The following ARK2C variants were observed in gnomAD, a reference collection of about 807,000 sequenced individuals.
The protein encoded by ARK2C is arkadia (RNF111) C-terminal like ring finger ubiquitin ligase 2C.
the ARK2C span, among the ~76,000 whole-genome samples, chr18:46,398,041 G>T: frequency 1.4e-5 from 2 of 147,992 alleles, no homozygotes; most frequent in African/African-American, 5.0e-5. Context: ...AGGTGTGAGG[G>T]TGTGTGTACC....
the ARK2C span, chr18:46,337,081 C>T: frequency 1.1e-5 from 11 of 985,218 alleles, no homozygotes; most frequent in African/African-American, 1.7e-4. Flanking sequence ...TTCTGCTGCT[C>T]GCCAGCCAGA....
chr18:46,434,164 C>T, the ARK2C span, among the ~76,000 whole-genome samples: 1 of 152,170 alleles, frequency 6.6e-6, no homozygotes, highest in Admixed American at 6.5e-5. Context: ...CCTCAACTGT[C>T]AAGAGAAAGA....
chr18:46,435,455 G>A, the ARK2C span: 1 of 1,308,766 alleles, frequency 7.6e-7, no homozygotes, highest in Non-Finnish European at 1.1e-6. Flanking sequence ...GGGAGGTCTT[G>A]CCAGATCTGT....
the ARK2C span, among the ~76,000 whole-genome samples, chr18:46,427,362 C>T: frequency 2.0e-5 from 3 of 152,060 alleles, no homozygotes; most frequent in Non-Finnish European, 2.9e-5. Flanking sequence ...CAGGCTGGGG[C>T]GGTTGGTGCT....
chr18:46,393,436 C>T, the ARK2C span, among the ~76,000 whole-genome samples: 2 of 152,158 alleles, frequency 1.3e-5, no homozygotes, highest in Non-Finnish European at 2.9e-5. Flanking sequence ...CAGAAGGGTG[C>T]GCTGTTTCCT....
At chr18:46,401,216 T>C in the ARK2C span, among the ~76,000 whole-genome samples, 1 of 152,030 alleles carries the variant, frequency 6.6e-6, no homozygotes, top group East Asian at 1.9e-4. Flanking sequence ...GAGTGAGGAT[T>C]TGGGGACTGC....
At chr18:46,375,596 T>C in the ARK2C span, among the ~76,000 whole-genome samples, 35 of 130,770 alleles carry the variant, frequency 2.7e-4, 1 homozygote, top group South Asian at 3.5e-3. Context: ...ATAATAATAA[T>C]AACTTGTCCT....
At chr18:46,349,055 T>A in the ARK2C span, among the ~76,000 whole-genome samples, 1 of 152,058 alleles carries the variant, frequency 6.6e-6, no homozygotes, top group Admixed American at 6.6e-5. Flanking sequence ...AACTCCCTTA[T>A]ACTGTGGAGG....
the ARK2C span, among the ~76,000 whole-genome samples, chr18:46,364,484 G>C: frequency 6.6e-6 from 1 of 151,656 alleles, no homozygotes; most frequent in African/African-American, 2.4e-5. Flanking sequence ...GGGCTCCCCA[G>C]AGAACCCTTC....
the ARK2C span, among the ~76,000 whole-genome samples, chr18:46,441,861 CAAAAAAAAA>C: frequency 0.75 from 91,189 of 121,940 alleles, 32,138 homozygotes; most frequent in African/African-American, 0.77. Context: ...GACTCCATCT[CAAAAAAAAA>C]AAAAAAAAAA....
the ARK2C span, among the ~76,000 whole-genome samples, chr18:46,395,036 A>G: frequency 6.6e-6 from 1 of 152,254 alleles, no homozygotes; most frequent in Non-Finnish European, 1.5e-5. Flanking sequence ...CCAGAAACTC[A>G]GAAGTGTCAT....
At chr18:46,381,883 C>A in the ARK2C span, among the ~76,000 whole-genome samples, 1 of 152,084 alleles carries the variant, frequency 6.6e-6, no homozygotes, top group African/African-American at 2.4e-5. Flanking sequence ...TTTCAGGCAC[C>A]ACCGGCGAGC....
chr18:46,404,520 G>A, the ARK2C span, among the ~76,000 whole-genome samples: 1 of 152,136 alleles, frequency 6.6e-6, no homozygotes, highest in Non-Finnish European at 1.5e-5. Context: ...TTGGGTGGCC[G>A]AGGCAGGTGG....
At chr18:46,459,919 T>C in the ARK2C span, 2 of 152,638 alleles carry the variant, frequency 1.3e-5, no homozygotes, top group African/African-American at 4.8e-5. Flanking sequence ...AGGGTTTAAG[T>C]TGGGCGTCCT....
the ARK2C span, among the ~76,000 whole-genome samples, chr18:46,382,590 C>T: frequency 3.3e-5 from 5 of 152,224 alleles, no homozygotes; most frequent in Admixed American, 2.6e-4. Flanking sequence ...TGAATCTCAG[C>T]AGGCTCAGTT....
chr18:46,371,042 A>G, the ARK2C span, among the ~76,000 whole-genome samples: 1 of 152,202 alleles, frequency 6.6e-6, no homozygotes, highest in African/African-American at 2.4e-5. Flanking sequence ...CCTCACAATC[A>G]TTACAGAAAG....
the ARK2C span, among the ~76,000 whole-genome samples, chr18:46,421,920 G>T: frequency 6.6e-6 from 1 of 152,166 alleles, no homozygotes; most frequent in East Asian, 1.9e-4. Context: ...GGCTGTAAAG[G>T]ATCCCTTTGG....
At chr18:46,397,726 T>G in the ARK2C span, among the ~76,000 whole-genome samples, 1 of 137,868 alleles carries the variant, frequency 7.3e-6, no homozygotes, top group Non-Finnish European at 1.5e-5. Context: ...ATGTGGTGTG[T>G]GTGTGTGATC....
At chr18:46,370,023 C>A in the ARK2C span, among the ~76,000 whole-genome samples, 6 of 152,208 alleles carry the variant, frequency 3.9e-5, no homozygotes, top group Non-Finnish European at 7.3e-5. Flanking sequence ...GGGGCCATAA[C>A]AGCTTCTTGC....
Sources: allele counts gnomAD v4.1 joint callset (sites outside exome capture counted in the v4.1 genomes callset), GRCh38; gene constraint gnomAD v4.1.1; transcripts MANE v1.5; gene names NCBI Gene and HGNC (gene_info 2026-07-23, HGNC 2026-07-21).